Variants in SPDYA observed in about 807,000 individuals in gnomAD.
SPDYA encodes the protein speedy/RINGO cell cycle regulator family member A.
A neutral mutation model predicts 36.7 loss-of-function variants in SPDYA; 11 were observed. That is an observed-to-expected ratio of 0.30 (90% CI 0.19 to 0.50). The LOEUF (loss-of-function observed/expected upper bound fraction) is 0.50, where lower values mean the gene tolerates loss of function less well. SPDYA is among the 20% of genes least tolerant of loss of function. SPDYA has a pLI of 0.98. For synonymous variants in SPDYA, 115 were observed against 118.7 expected (o/e 0.97, Z 0.20); for missense variants, 287 against 370.9 (o/e 0.77, Z 1.86).
intron 7 of SPDYA, among the ~76,000 whole-genome samples, chr2:28,843,073 T>C (rs1668785667): frequency 6.6e-6 from 1 of 152,234 alleles, no homozygotes; most frequent in African/African-American, 2.4e-5. Flanking sequence ...CTTCCACCTT[T>C]CTTTCAAACA....
chr2:28,835,084 A>C (rs1272933233), intron 6 of SPDYA, among the ~76,000 whole-genome samples: 2 of 152,140 alleles, frequency 1.3e-5, no homozygotes, highest in Non-Finnish European at 2.9e-5. Flanking sequence ...TTTTTGAGAC[A>C]GGGTCTCATT....
intron 6 of SPDYA, among the ~76,000 whole-genome samples, chr2:28,834,652 T>A (rs1668550668): frequency 6.6e-6 from 1 of 152,212 alleles, no homozygotes; most frequent in South Asian, 2.1e-4. Context: ...TCCATTTATA[T>A]GAAAGGTCCA....
chr2:28,828,757 A>G (rs1462723770), intron 5 of SPDYA, among the ~76,000 whole-genome samples: 1 of 152,260 alleles, frequency 6.6e-6, no homozygotes, highest in Non-Finnish European at 1.5e-5. Flanking sequence ...TGTTCCCACC[A>G]GCCAGGCTGA....
chr2:28,827,743 G>T (rs899807672), intron 5 of SPDYA, among the ~76,000 whole-genome samples: 1 of 151,976 alleles, frequency 6.6e-6, no homozygotes, highest in African/African-American at 2.4e-5. Context: ...TGTTTCATGT[G>T]CTTTGAGGTT....
intron 7 of SPDYA, among the ~76,000 whole-genome samples, chr2:28,846,166 A>G (rs1330139094): frequency 6.6e-6 from 1 of 152,126 alleles, no homozygotes; most frequent in Non-Finnish European, 1.5e-5. Flanking sequence ...GCACTTTGGG[A>G]GGCTGAAGCG....
intron 6 of SPDYA, 140 bp downstream of exon 6, chr2:28,829,459 T>G: frequency 1.4e-6 from 1 of 711,136 alleles, no homozygotes; most frequent in Non-Finnish European, 2.2e-6. Context: ...CCATTGATCA[T>G]TACCATGAAT....
intron 6 of SPDYA, among the ~76,000 whole-genome samples, chr2:28,834,081 AACACACACACAC>A (rs56865803): frequency 4.8e-5 from 7 of 146,874 alleles, no homozygotes; most frequent in South Asian, 2.2e-4. Context: ...AAATTGCTAA[AACACACACACAC>A]ACACACACAC....
At chr2:28,848,637 AAT>A (rs1221362857) in intron 7 of SPDYA, among the ~76,000 whole-genome samples, 27 of 152,310 alleles carry the variant, frequency 1.8e-4, no homozygotes, top group African/African-American at 6.3e-4. Flanking sequence ...TACGTTCTAT[AAT>A]ATGTTATTTA....
At chr2:28,821,185 T>C (rs1240057555) in intron 4 of SPDYA, among the ~76,000 whole-genome samples, 1 of 146,980 alleles carries the variant, frequency 6.8e-6, no homozygotes, top group Non-Finnish European at 1.5e-5. Context: ...GTGATTTTTT[T>C]TTTTTCTTTT....
At position 28,829,147 on chromosome 2, in the gene SPDYA, G is replaced by A; in HGVS notation, c.381-1G>A. ...TTTTGGGTTGTGATCTTCTTTGTTA[G>A]GTATCTGGCTAATACAGTTGAAGAA... On this transcript the variant is annotated splice_acceptor_variant, in intron 5 of 7. Transcript: ENST00000334056. LOFTEE classifies it high-confidence loss of function. 1 of 1,605,354 alleles carries A rather than the reference G, an allele frequency of 6.2e-7. No individual in the cohort carries two copies.
Position 28,816,025 on chromosome 2 carries a change from A to G in SPDYA, c.11A>G (p.Asn4Ser), listed in dbSNP as rs575946210. ...TATTGGGAAACCAAAATGAGGCACAATCAGATGTGTTGTGAGACACCACCT... is the reference window on the plus strand; with the variant it reads ...TATTGGGAAACCAAAATGAGGCACAGTCAGATGTGTTGTGAGACACCACCT... MRH[N>S]QMCCETPPTV... Residue 4 changes from asparagine (N) to serine (S), a missense_variant, in exon 3 of 8, where the codon AAT becomes AGT. Coordinates refer to ENST00000334056, the MANE Select transcript of SPDYA (RefSeq NM_182756.4). 1.9e-5 allele frequency: 31 copies of G among 1,610,210 alleles called. No individual in the cohort carries two copies. The highest frequency in any genetic ancestry group is 2.5e-5 in the Non-Finnish European group (29 of 1,179,068).
At chr2:28,819,127 AC>A in intron 4 of SPDYA, 21 bp downstream of exon 4, 1 of 1,565,442 alleles carries the variant, frequency 6.4e-7, no homozygotes, top group South Asian at 1.1e-5. Context: ...TAACAGTATA[AC>A]AATTAACCAG....
rs571129242 is a variant in SPDYA at position 28,821,285 on chromosome 2, C to T, written c.295-1040C>T. On this transcript the variant is annotated intron_variant, in intron 4 of 7. Coordinates refer to ENST00000334056, the MANE Select transcript of SPDYA (RefSeq NM_182756.4). ...CGTGATCTCAGCTCACTGCAACCTC[C>T]GCCTCCCGGGTTCAAGCAATTCTCC... Among the ~76,000 whole-genome samples the T allele has an allele frequency of 9.5e-4, 143 of 149,776 alleles. 1 individual carries two copies. The highest frequency in any genetic ancestry group is 3.1e-3 in the Admixed American group (46 of 14,998).
chr2:28,823,741 A>C (rs1452052158), intron 5 of SPDYA, among the ~76,000 whole-genome samples: 1 of 54,102 alleles, frequency 1.8e-5, no homozygotes, highest in South Asian at 7.7e-4. Context: ...ATATATATAT[A>C]TATAAAATTT....
At position 28,850,025 on chromosome 2, in the gene SPDYA, A is replaced by G; in HGVS notation, c.*84A>G. The G allele has an allele frequency of 7.9e-7, 1 of 1,258,302 alleles. No individual in the cohort carries two copies. The highest frequency in any genetic ancestry group is 1.1e-6 in the Non-Finnish European group (1 of 881,598). The allele number at this position is 1,258,302 out of a possible 1,614,324, so 77.9% of individuals were successfully genotyped here. A position where few individuals can be genotyped will look rare whatever the true frequency, so the allele number is the denominator to read the frequency against. ...GACAAGTGTCAAAATGGGATGTTTA[A>G]GCAGTTTTGCTATGTTATACATCTT... On this transcript the variant is annotated 3_prime_UTR_variant, in exon 8 of 8. Coordinates refer to ENST00000334056, the MANE Select transcript of SPDYA (RefSeq NM_182756.4).
chr2:28,840,941 T>G (rs540675150), intron 7 of SPDYA: 3 of 276,376 alleles, frequency 1.1e-5, no homozygotes, highest in African/African-American at 4.6e-5. Context: ...TTTTTTTTTT[T>G]TTTTTTTTTT....
chr2:28,849,299 AT>A (rs923633195), intron 7 of SPDYA, among the ~76,000 whole-genome samples: 14 of 149,896 alleles, frequency 9.3e-5, no homozygotes, highest in African/African-American at 1.5e-4. Context: ...TTCCCCAAAC[AT>A]TTTTTTTTTA....
chr2:28,849,106 C>T (rs1668964752), intron 7 of SPDYA, among the ~76,000 whole-genome samples: 1 of 151,756 alleles, frequency 6.6e-6, no homozygotes, highest in Admixed American at 6.6e-5. Flanking sequence ...AAACAGAGAC[C>T]TAATCATTCT....
Position 28,829,154 on chromosome 2 carries a change from G to A in SPDYA, c.387G>A (p.Leu129=), listed in dbSNP as rs1157073853. Residue 129 remains leucine (L), a synonymous_variant, in exon 6 of 8, where the codon CTG becomes CTA. Coordinates refer to ENST00000334056, the MANE Select transcript of SPDYA (RefSeq NM_182756.4). ...TTGTGATCTTCTTTGTTAGGTATCT[G>A]GCTAATACAGTTGAAGAAGATGAAG... The part of the protein sequence containing the change: ...TRINFFIALY[L]ANTVEEDEEE... 3 of 1,612,982 alleles carry A rather than the reference G, an allele frequency of 1.9e-6. No individual in the cohort carries two copies. The highest frequency in any genetic ancestry group is 1.7e-5 in the Admixed American group (1 of 59,636).
Sources: gnomAD v4.1 joint callset for allele counts (sites outside exome capture counted in the v4.1 genomes callset) on GRCh38, gnomAD v4.1.1 for gene constraint, MANE v1.5 for transcripts, NCBI Gene and HGNC (gene_info 2026-07-23, HGNC 2026-07-21) for gene names.